Variants in NKAIN3 observed in about 807,000 individuals in gnomAD.
NKAIN3 encodes sodium/potassium transporting ATPase interacting 3.
In NKAIN3, 25 loss-of-function variants were observed where a neutral mutation model predicts 30.2. The ratio of observed to expected loss-of-function variants is 0.83; its 90% CI spans 0.60 to 1.16. The LOEUF (loss-of-function observed/expected upper bound fraction) is 1.16, where lower values mean the gene tolerates loss of function less well. Ranked by LOEUF, NKAIN3 falls within the 50% of genes most tolerant of loss-of-function variation. NKAIN3 has a pLI of 0.00. For missense variants in NKAIN3, 225 were observed against 254.1 expected, an observed-to-expected ratio of 0.89 and a Z score of 0.78; for synonymous variants, 91 against 89.6, an observed-to-expected ratio of 1.02 and a Z score of -0.09.
intron 1 of NKAIN3, among the ~76,000 whole-genome samples, chr8:62,253,694 C>A (rs1188685268): frequency 6.6e-6 from 1 of 152,180 alleles, no homozygotes; most frequent in Non-Finnish European, 1.5e-5. Flanking sequence ...CACATTCAAA[C>A]CATCTGTGAG....
intron 3 of NKAIN3, among the ~76,000 whole-genome samples, chr8:62,677,580 T>C (rs1813516406): frequency 2.0e-5 from 3 of 152,170 alleles, no homozygotes; most frequent in Admixed American, 2.0e-4. Context: ...TCCACTTGAA[T>C]CATCTAATAT....
chr8:62,289,802 G>C (rs1160253270), intron 1 of NKAIN3, among the ~76,000 whole-genome samples: 1 of 152,110 alleles, frequency 6.6e-6, no homozygotes, highest in East Asian at 1.9e-4. Context: ...GCTTGATGGG[G>C]ATGGCATTGA....
At chr8:62,806,145 T>C (rs1203777374) in intron 4 of NKAIN3, among the ~76,000 whole-genome samples, 1 of 152,028 alleles carries the variant, frequency 6.6e-6, no homozygotes, top group Admixed American at 6.6e-5. Flanking sequence ...ATTAAAAAGT[T>C]AGGAAACAAC....
chr8:62,823,792 C>T (rs1033008270), intron 4 of NKAIN3, among the ~76,000 whole-genome samples: 4 of 152,074 alleles, frequency 2.6e-5, no homozygotes, highest in Non-Finnish European at 4.4e-5. Context: ...GTCATTTGGG[C>T]TCAAGGTAGT....
intron 4 of NKAIN3, among the ~76,000 whole-genome samples, chr8:62,842,599 A>T (rs1819567182): frequency 6.6e-6 from 1 of 152,186 alleles, no homozygotes; most frequent in South Asian, 2.1e-4. Flanking sequence ...ATACTACCTG[A>T]TTTCAAAATG....
At chr8:62,434,389 A>T (rs1805106915) in intron 1 of NKAIN3, among the ~76,000 whole-genome samples, 1 of 152,128 alleles carries the variant, frequency 6.6e-6, no homozygotes, top group Non-Finnish European at 1.5e-5. Flanking sequence ...CAGGAGGCAG[A>T]AATATGATTG....
chr8:62,470,283 A>G (rs1040493876), intron 1 of NKAIN3, among the ~76,000 whole-genome samples: 15 of 152,208 alleles, frequency 9.9e-5, no homozygotes, highest in Admixed American at 7.9e-4. Context: ...AAATTCCAGT[A>G]TGCATACAAA....
At chr8:62,401,501 T>C (rs1331711676) in intron 1 of NKAIN3, among the ~76,000 whole-genome samples, 2 of 152,174 alleles carry the variant, frequency 1.3e-5, no homozygotes, top group Non-Finnish European at 2.9e-5. Flanking sequence ...ATGTTTATCA[T>C]TATCGAGGCA....
chr8:62,761,945 A>C (rs1816680027), intron 4 of NKAIN3, among the ~76,000 whole-genome samples: 1 of 152,146 alleles, frequency 6.6e-6, no homozygotes, highest in South Asian at 2.1e-4. Flanking sequence ...TACTCCCCCC[A>C]AAAAAGATGT....
At chr8:62,801,685 A>T (rs1385301552) in intron 4 of NKAIN3, among the ~76,000 whole-genome samples, 1 of 152,210 alleles carries the variant, frequency 6.6e-6, no homozygotes, top group Non-Finnish European at 1.5e-5. Flanking sequence ...AGAGCAGAAA[A>T]ACTGGGAACT....
At chr8:62,825,551 C>T (rs1048634728) in intron 4 of NKAIN3, among the ~76,000 whole-genome samples, 1 of 151,866 alleles carries the variant, frequency 6.6e-6, no homozygotes, top group Admixed American at 6.6e-5. Context: ...GTGTGTTTGT[C>T]GTCTTTATGC....
rs1814573483 is a variant in NKAIN3 at position 62,707,547 on chromosome 8, C to T, written c.274-39385C>T. Among the ~76,000 whole-genome samples, 5 of 152,046 alleles carry T rather than the reference C, an allele frequency of 3.3e-5. No individual in the cohort carries two copies. In the South Asian group the frequency reaches 8.3e-4, roughly 25 times the overall value. ...TCTTTTGAGAATTGTCTATCCATGT[C>T]CTTAGCCCACTTTTTGATGGGATTC... On this transcript the variant is annotated intron_variant, in intron 3 of 6. Transcript: ENST00000623646.
intron 5 of NKAIN3, among the ~76,000 whole-genome samples, chr8:62,950,661 A>T (rs575004565): frequency 3.6e-4 from 55 of 151,670 alleles, no homozygotes; most frequent in Middle Eastern, 6.8e-3. Context: ...ATAGCAATTT[A>T]AAAAAAAAGA....
At chr8:62,523,691 G>C (rs561946292) in intron 1 of NKAIN3, among the ~76,000 whole-genome samples, 1 of 152,068 alleles carries the variant, frequency 6.6e-6, no homozygotes, top group Admixed American at 6.5e-5. Context: ...GCCCTCCAAG[G>C]TACCTCAGTG....
At chr8:62,407,570 T>C (rs991100647) in intron 1 of NKAIN3, among the ~76,000 whole-genome samples, 3 of 152,038 alleles carry the variant, frequency 2.0e-5, no homozygotes, top group South Asian at 2.1e-4. Flanking sequence ...AGCTAACTTT[T>C]GTAATTTTTG....
Position 62,976,696 on chromosome 8 carries a change from T to C in NKAIN3, c.*11289T>C, listed in dbSNP as rs139631672. Among the ~76,000 whole-genome samples, 362 of 152,326 alleles carry C rather than the reference T, an allele frequency of 2.4e-3. 1 individual carries two copies. Among genetic ancestry groups the C allele is most frequent in the African/African-American group, 8.3e-3 (347 of 41,580 alleles). Reference sequence around the variant, plus strand: ...AGCCCATTTACATTTAAGGTTAATATTGTTATGTGTGAATTTGATTCTGTC... The same window carrying C: ...AGCCCATTTACATTTAAGGTTAATACTGTTATGTGTGAATTTGATTCTGTC... On this transcript the variant is annotated 3_prime_UTR_variant, in exon 7 of 7. Coordinates refer to ENST00000623646, the MANE Select transcript of NKAIN3 (RefSeq NM_001304533.3).
chr8:62,562,023 T>A (rs1286208913), intron 1 of NKAIN3, among the ~76,000 whole-genome samples: 3 of 152,134 alleles, frequency 2.0e-5, no homozygotes, highest in Non-Finnish European at 2.9e-5. Context: ...AGATGAAAGC[T>A]CAGGGTGTTG....
At chr8:62,570,801 G>A (rs777959234) in intron 1 of NKAIN3, among the ~76,000 whole-genome samples, 41 of 152,064 alleles carry the variant, frequency 2.7e-4, no homozygotes, top group Admixed American at 5.9e-4. Context: ...AGCTCAAAGT[G>A]AGCTGCCTTT....
chr8:62,451,465 T>C (rs1299684192), intron 1 of NKAIN3, among the ~76,000 whole-genome samples: 1 of 152,088 alleles, frequency 6.6e-6, no homozygotes, highest in African/African-American at 2.4e-5. Context: ...GTTTTTATAA[T>C]CTTTGGCACC....
Sources: gnomAD v4.1 joint callset for allele counts (sites outside exome capture counted in the v4.1 genomes callset) on GRCh38, gnomAD v4.1.1 for gene constraint, MANE v1.5 for transcripts, NCBI Gene and HGNC (gene_info 2026-07-23, HGNC 2026-07-21) for gene names.